MTMR10: variants seen among roughly 807,000 people sequenced by gnomAD.
MTMR10 encodes the protein myotubularin-related protein 10.
A neutral mutation model predicts 88.1 loss-of-function variants in MTMR10; 56 were observed. That is an observed-to-expected ratio of 0.64 (90% CI 0.51 to 0.79). The LOEUF is 0.79. Ranked by LOEUF, MTMR10 falls within the 30% of genes least tolerant of loss-of-function variation. The probability of loss-of-function intolerance (pLI) is 0.00; values close to 1 mark genes in which losing one functional copy is unlikely to be tolerated. For synonymous variants in MTMR10, 380 were observed against 340.9 expected (o/e 1.11, Z -1.26); for missense variants, 883 against 924.7 (o/e 0.95, Z 0.58).
At chr15:30,955,745 T>C (rs2063318484) in intron 9 of MTMR10, among the ~76,000 whole-genome samples, 1 of 152,190 alleles carries the variant, frequency 6.6e-6, no homozygotes, top group African/African-American at 2.4e-5. Flanking sequence ...CAGATGCACA[T>C]TCTCCAGCTC....
At chr15:30,985,829 GGCCACTT>G (rs2030905953) in intron 2 of MTMR10, among the ~76,000 whole-genome samples, 1 of 152,094 alleles carries the variant, frequency 6.6e-6, no homozygotes, top group African/African-American at 2.4e-5. Context: ...CTGGAACTGT[GGCCACTT>G]GCAGCATTAC....
At chr15:30,933,489 T>G in the MTMR10 span, among the ~76,000 whole-genome samples, 1 of 152,230 alleles carries the variant, frequency 6.6e-6, no homozygotes, top group Non-Finnish European at 1.5e-5. Context: ...GAGGACATAT[T>G]TTGTATGATT....
chr15:30,920,826 C>T, the MTMR10 span, among the ~76,000 whole-genome samples: 1 of 152,222 alleles, frequency 6.6e-6, no homozygotes. Context: ...ACTCCATCAC[C>T]TAGGCTGGGG....
rs758338704 is a variant in MTMR10, at chr15:30,975,021, G to A, written c.259-18C>T. ...TGGAATTTCTGGAATAAAAAATTATGTTCATATTAATTCTTTTCCCAATAA... is the reference window on the plus strand; with the variant it reads ...TGGAATTTCTGGAATAAAAAATTATATTCATATTAATTCTTTTCCCAATAA... On this transcript the variant is annotated intron_variant, in intron 3 of 15. Transcript: ENST00000435680. 3.3e-6 allele frequency: 5 copies of A among 1,494,380 alleles called. No homozygotes were observed. The African/African-American group carries it at 4.2e-5, about 12-fold the overall frequency. The allele number at this position is 1,494,380 out of a possible 1,614,324, so 92.6% of individuals were successfully genotyped here. A position where few individuals can be genotyped will look rare whatever the true frequency, so the allele number is the denominator to read the frequency against.
chr15:30,955,311 C>T (rs2141013057), intron 9 of MTMR10, among the ~76,000 whole-genome samples: 1 of 152,322 alleles, frequency 6.6e-6, no homozygotes, highest in African/African-American at 2.4e-5. Context: ...CATACTGTCG[C>T]CCAGGCTGGA....
chr15:30,968,312 A>C (rs867596545), intron 5 of MTMR10: 11 of 227,226 alleles, frequency 4.8e-5, no homozygotes, highest in Middle Eastern at 1.4e-3. Flanking sequence ...CAAACTAAAG[A>C]AGCATTCTCC....
downstream of MTMR10, among the ~76,000 whole-genome samples, chr15:30,938,571 G>A (rs1201674457): frequency 6.6e-6 from 1 of 152,122 alleles, no homozygotes. Context: ...TTGTGGGAGG[G>A]TCTCAGGCTG....
Position 30,976,994 on chromosome 15 carries a change from T to C in MTMR10, c.122-39A>G. Reference sequence around the variant, plus strand: ...AAAATATTTGTAAGGTACTTTGTCATAAAATACCAACGGTCTTTGTGGGAC... The same window carrying C: ...AAAATATTTGTAAGGTACTTTGTCACAAAATACCAACGGTCTTTGTGGGAC... On this transcript the variant is annotated intron_variant, in intron 2 of 15. Coordinates refer to ENST00000435680, the MANE Select transcript of MTMR10 (RefSeq NM_017762.3). 3 of 1,585,776 alleles carry C rather than the reference T, an allele frequency of 1.9e-6. 1 individual carries two copies. In the South Asian group the frequency reaches 3.3e-5, roughly 18 times the overall value.
chr15:30,927,321 T>G, the MTMR10 span: 2 of 985,392 alleles, frequency 2.0e-6, no homozygotes, highest in African/African-American at 3.5e-5. Flanking sequence ...CTAGCTCCAC[T>G]CCTGGCTGGG....
At chr15:30,986,481 A>C (rs1261587054) in intron 2 of MTMR10, among the ~76,000 whole-genome samples, 1 of 152,116 alleles carries the variant, frequency 6.6e-6, no homozygotes, top group Non-Finnish European at 1.5e-5. Context: ...TTAAAGGACC[A>C]ATAAAGAGTT....
Position 30,969,003 on chromosome 15 carries a change from T to C in MTMR10, c.475-993A>G, listed in dbSNP as rs532754184. Among the ~76,000 whole-genome samples, 6 of 152,246 alleles carry C rather than the reference T, an allele frequency of 3.9e-5. No homozygotes were observed. In the South Asian group the frequency reaches 1.2e-3, roughly 32 times the overall value. ...ATAGCAGAAAAACTTATTTAAAAGA[T>C]TAAATTTTATTTAGAAGGTAAAGCG... On this transcript the variant is annotated intron_variant, in intron 5 of 15. Transcript: ENST00000435680.
Position 30,947,295 on chromosome 15 carries a change from A to T in MTMR10, c.1383T>A (p.Pro461=). ...TGGCATCCAAGAATAGCAAAAATAA[A>T]GGAGACTGGCAAATACAAAGAGACA... ...NHLKRSEKES[P]LFLLFLDATW... The change falls in exon 14 of 16, where the codon CCT becomes CCA. Residue 461 remains proline (P), a synonymous_variant. Transcript: ENST00000435680. 1 of 1,613,126 alleles carries T rather than the reference A, an allele frequency of 6.2e-7. No individual in the cohort carries two copies. The highest frequency in any genetic ancestry group is 8.5e-7 in the Non-Finnish European group (1 of 1,179,634).
the MTMR10 span, chr15:30,920,538 A>AT: frequency 6.3e-7 from 1 of 1,590,622 alleles, no homozygotes; most frequent in Non-Finnish European, 8.6e-7. Context: ...ATATGTCTTC[A>AT]TTTTAGATGC....
At chr15:30,938,132 C>T (rs560051017), downstream of MTMR10, among the ~76,000 whole-genome samples, 133 of 151,172 alleles carry the variant, frequency 8.8e-4, 1 homozygote, top group African/African-American at 3.0e-3. Flanking sequence ...TGCAGTGAGC[C>T]GAGATTGCAC....
intron 12 of MTMR10, among the ~76,000 whole-genome samples, chr15:30,951,482 T>C (rs566535843): frequency 2.5e-4 from 38 of 149,246 alleles, no homozygotes; most frequent in Non-Finnish European, 4.7e-4. Context: ...TATTCTTCTA[T>C]TTGCAGTCCT....
chr15:30,922,905 C>T, the MTMR10 span, among the ~76,000 whole-genome samples: 1 of 152,220 alleles, frequency 6.6e-6, no homozygotes, highest in Admixed American at 6.5e-5. Flanking sequence ...TCTAGGGGCA[C>T]TTGGAAGCAC....
the MTMR10 span, among the ~76,000 whole-genome samples, chr15:30,933,856 G>A: frequency 6.6e-6 from 1 of 151,976 alleles, no homozygotes; most frequent in Non-Finnish European, 1.5e-5. Context: ...GATCTCCCAG[G>A]CTCAAGCAAT....
the MTMR10 span, among the ~76,000 whole-genome samples, chr15:30,922,683 G>A: frequency 6.6e-6 from 1 of 152,340 alleles, no homozygotes; most frequent in East Asian, 1.9e-4. Context: ...GTCAGCAAGT[G>A]CCTTCAAGGA....
rs1461583814 is a variant in MTMR10, at chr15:30,974,446, G to C, written c.342C>G (p.His114Gln). Residue 114 changes from histidine (H) to glutamine (Q), a missense_variant, in exon 5 of 16, where the codon CAC becomes CAG. By Grantham distance (24) the His-to-Gln change is conservative. Transcript: ENST00000435680. ...CIEQIVTVND[H>Q]KRKQKVLGPN... The stretch of plus-strand genomic sequence containing the variant: ...GGCCTAGGACTTTCTGCTTCCTCTT[G>C]TGGTCGTTTACTAAAAAAGAAAAAA... 1 of 1,534,832 alleles carries C rather than the reference G, an allele frequency of 6.5e-7. No individual in the cohort carries two copies. Among genetic ancestry groups the C allele is most frequent in the African/African-American group, 1.4e-5 (1 of 71,466 alleles).
Sources: gnomAD v4.1 joint callset for allele counts (sites outside exome capture counted in the v4.1 genomes callset) on GRCh38, gnomAD v4.1.1 for gene constraint, MANE v1.5 for transcripts, NCBI Gene and HGNC (gene_info 2026-07-23, HGNC 2026-07-21) for gene names.